Variants in ZFHX3 observed in about 807,000 individuals in gnomAD.
ZFHX3 encodes the protein zinc finger homeobox protein 3.
In ZFHX3, 42 loss-of-function variants were observed where a neutral mutation model predicts 279.1. That is an observed-to-expected ratio of 0.15 (90% CI 0.12 to 0.19). ZFHX3 has a LOEUF of 0.19. Among genes scored for constraint, ZFHX3 ranks in the 10% least tolerant of loss-of-function variants. ZFHX3 has a pLI of 1.00. For missense variants in ZFHX3, 4,981 were observed against 4,754.0 expected (o/e 1.05, Z -1.40); for synonymous variants, 2,293 against 1,957.8 (o/e 1.17, Z -4.52).
At position 72,782,900 on chromosome 16, in the gene ZFHX3, T is replaced by C. The variant is rs2035183045; in HGVS notation, c.*4264A>G. On this transcript the variant is annotated 3_prime_UTR_variant, in exon 10 of 10. Coordinates refer to ENST00000268489, the MANE Select transcript of ZFHX3 (RefSeq NM_006885.4). ...AGACAGGAGCTTTTGCTCATATTTT[T>C]TTTTTAATGTATCACAATGAGCAGG... The C allele has an allele frequency of 6.6e-6, 1 of 152,604 alleles. No homozygotes were observed. The highest frequency in any genetic ancestry group is 1.5e-5 in the Non-Finnish European group (1 of 68,036). The allele number at this position is 152,604 out of a possible 1,614,324, so 9.5% of individuals were successfully genotyped here.
intron 2 of ZFHX3, among the ~76,000 whole-genome samples, chr16:73,652,793 G>A (rs1429546799): frequency 2.6e-5 from 4 of 151,978 alleles, no homozygotes; most frequent in Non-Finnish European, 4.4e-5. Context: ...AAAATAAAGT[G>A]TATTATTTCC....
chr16:73,017,868 C>T (rs149858988), intron 1 of ZFHX3, among the ~76,000 whole-genome samples: 6 of 152,324 alleles, frequency 3.9e-5, no homozygotes, highest in African/African-American at 7.2e-5. Flanking sequence ...CCATCCCTAC[C>T]TCTGCAGATG....
At chr16:73,266,675 G>A (rs2013985294) in intron 4 of ZFHX3, among the ~76,000 whole-genome samples, 1 of 152,172 alleles carries the variant, frequency 6.6e-6, no homozygotes, top group African/African-American at 2.4e-5. Context: ...TCATAGGAGG[G>A]AACTGGTGGG....
chr16:72,977,739 A>C (rs879572967), intron 1 of ZFHX3, among the ~76,000 whole-genome samples: 9 of 152,192 alleles, frequency 5.9e-5, no homozygotes, highest in Non-Finnish European at 1.2e-4. Context: ...TACTGACCCC[A>C]AAAGCGGGGC....
chr16:72,900,277 G>A (rs746392216), intron 3 of ZFHX3, among the ~76,000 whole-genome samples: 7 of 152,106 alleles, frequency 4.6e-5, no homozygotes, highest in Non-Finnish European at 7.3e-5. Context: ...AGGAGAGTTC[G>A]GCTGAAATGC....
At chr16:73,612,358 A>G (rs1340237123) in intron 2 of ZFHX3, among the ~76,000 whole-genome samples, 1 of 152,226 alleles carries the variant, frequency 6.6e-6, no homozygotes, top group Non-Finnish European at 1.5e-5. Context: ...CCCTTGAAAA[A>G]AGGGTTTATA....
intron 3 of ZFHX3, among the ~76,000 whole-genome samples, chr16:73,387,613 C>T (rs1256820626): frequency 6.6e-6 from 1 of 151,976 alleles, no homozygotes; most frequent in Non-Finnish European, 1.5e-5. Context: ...ATCTTCCCCC[C>T]ATCTTTTTCC....
At chr16:73,576,405 A>G (rs1247757696) in intron 2 of ZFHX3, among the ~76,000 whole-genome samples, 1 of 152,176 alleles carries the variant, frequency 6.6e-6, no homozygotes, top group African/African-American at 2.4e-5. Context: ...GCACACTCAC[A>G]CGTATGCATC....
chr16:73,406,054 T>C (rs8044997), intron 3 of ZFHX3, among the ~76,000 whole-genome samples: 92,558 of 152,180 alleles, frequency 0.61, 30,833 homozygotes, highest in African/African-American at 0.89. Context: ...ACACACATTC[T>C]ATCGTCTCTA....
intron 5 of ZFHX3, among the ~76,000 whole-genome samples, chr16:73,147,223 G>A (rs1436085022): frequency 6.6e-6 from 1 of 152,072 alleles, no homozygotes; most frequent in Non-Finnish European, 1.5e-5. Context: ...ATTGTTAAAG[G>A]GGATCATGCC....
chr16:73,686,110 T>C (rs1343813168), intron 1 of ZFHX3, among the ~76,000 whole-genome samples: 1 of 152,118 alleles, frequency 6.6e-6, no homozygotes, highest in Admixed American at 6.5e-5. Context: ...ATTTATTTAT[T>C]TATTTGAGAT....
intron 7 of ZFHX3, among the ~76,000 whole-genome samples, chr16:73,105,465 C>CTTTTT (rs1966292060): frequency 7.0e-5 from 6 of 86,056 alleles, no homozygotes; most frequent in South Asian, 3.5e-4. Context: ...ATATTTTTTC[C>CTTTTT]CCCAGGCCAG....
intron 1 of ZFHX3, among the ~76,000 whole-genome samples, chr16:73,753,182 A>G (rs2053776291): frequency 6.6e-6 from 1 of 152,112 alleles, no homozygotes; most frequent in Non-Finnish European, 1.5e-5. Flanking sequence ...TTACAGTGCT[A>G]TTGGCTGTGA....
chr16:73,514,019 C>T (rs886914940), intron 2 of ZFHX3, among the ~76,000 whole-genome samples: 1 of 152,146 alleles, frequency 6.6e-6, no homozygotes, highest in Non-Finnish European at 1.5e-5. Flanking sequence ...GAGGCCAAGG[C>T]AGTCAGATCC....
At chr16:73,378,639 T>C (rs2016766281) in intron 3 of ZFHX3, among the ~76,000 whole-genome samples, 1 of 152,244 alleles carries the variant, frequency 6.6e-6, no homozygotes, top group Non-Finnish European at 1.5e-5. Flanking sequence ...GAGGTTGATC[T>C]GCACCAAACT....
intron 2 of ZFHX3, among the ~76,000 whole-genome samples, chr16:73,496,044 G>T (rs2019135825): frequency 6.6e-6 from 1 of 152,172 alleles, no homozygotes; most frequent in African/African-American, 2.4e-5. Context: ...TTTAGAATTT[G>T]CAGACTCGCA....
chr16:72,919,666 T>C (rs2039532727), intron 3 of ZFHX3, among the ~76,000 whole-genome samples: 1 of 151,948 alleles, frequency 6.6e-6, no homozygotes, highest in Non-Finnish European at 1.5e-5. Context: ...CCTGTCTATC[T>C]ATCTAAAATA....
intron 5 of ZFHX3, among the ~76,000 whole-genome samples, chr16:72,813,714 G>T (rs2036526659): frequency 6.6e-6 from 1 of 152,124 alleles, no homozygotes; most frequent in Admixed American, 6.5e-5. Flanking sequence ...CTCTTAATGG[G>T]AGTTATTCAT....
chr16:73,097,522 A>G (rs543672470), intron 7 of ZFHX3, among the ~76,000 whole-genome samples: 1 of 152,306 alleles, frequency 6.6e-6, no homozygotes, highest in South Asian at 2.1e-4. Context: ...TTATATATAC[A>G]TATGTCTCAA....
Sources: gnomAD v4.1 joint callset for allele counts (sites outside exome capture counted in the v4.1 genomes callset) on GRCh38, gnomAD v4.1.1 for gene constraint, MANE v1.5 for transcripts, NCBI Gene and HGNC (gene_info 2026-07-23, HGNC 2026-07-21) for gene names.